The following ARHGEF12 variants were observed in gnomAD, a reference collection of about 807,000 sequenced individuals.
ARHGEF12 encodes KMT2A/ARHGEF12 fusion protein.
ARHGEF12 carries 66 observed loss-of-function variants against 211.2 expected under a neutral mutation model. The observed-to-expected ratio is 0.31, with a 90% CI of 0.26 to 0.38. The LOEUF (loss-of-function observed/expected upper bound fraction) is 0.38, where lower values mean the gene tolerates loss of function less well. Among genes scored for constraint, ARHGEF12 ranks in the 10% least tolerant of loss-of-function variants. The pLI is 1.00. For synonymous variants in ARHGEF12, 592 were observed against 638.4 expected, an observed-to-expected ratio of 0.93 and a Z score of 1.09; for missense variants, 1,429 against 1,869.5, an observed-to-expected ratio of 0.76 and a Z score of 4.34.
intron 4 of ARHGEF12, among the ~76,000 whole-genome samples, chr11:120,419,805 T>C (rs1456213450): frequency 2.0e-5 from 3 of 152,236 alleles, no homozygotes; most frequent in Non-Finnish European, 4.4e-5. Context: ...TTATTTTCTA[T>C]TCATTATCTT....
At chr11:120,338,731 A>G (rs1473692865) in intron 1 of ARHGEF12, among the ~76,000 whole-genome samples, 2 of 152,172 alleles carry the variant, frequency 1.3e-5, no homozygotes, top group African/African-American at 4.8e-5. Context: ...TTGAGCCTGT[A>G]AACAAAAGTC....
In ARHGEF12 at chr11:120,442,437, C is replaced by T. The variant is rs957179001; in HGVS notation, c.1302+235C>T. ...TTATATATATATATATACACACACACACACACACACACACACACATATATA... is the reference window on the plus strand; with the variant it reads ...TTATATATATATATATACACACACATACACACACACACACACACATATATA... On this transcript the variant is annotated intron_variant, in intron 15 of 40. Transcript: ENST00000397843. Among the ~76,000 whole-genome samples, 25 of 133,364 alleles carry T rather than the reference C, an allele frequency of 1.9e-4. No homozygotes were observed. In the South Asian group the frequency reaches 2.3e-3, roughly 13 times the overall value. 87.5% of individuals were successfully genotyped at this position (133,364 alleles called of 152,430 possible). A position where few individuals can be genotyped will look rare whatever the true frequency, so the allele number is the denominator to read the frequency against.
chr11:120,473,824 G>A (rs1309033128), intron 31 of ARHGEF12, among the ~76,000 whole-genome samples: 2 of 152,184 alleles, frequency 1.3e-5, no homozygotes, highest in African/African-American at 4.8e-5. Flanking sequence ...TTACAGGAAC[G>A]ATAGTAAAAT....
intron 4 of ARHGEF12, among the ~76,000 whole-genome samples, chr11:120,415,123 A>G (rs1170491078): frequency 1.3e-5 from 2 of 152,356 alleles, no homozygotes; most frequent in Admixed American, 6.5e-5. Context: ...ACCATGGACT[A>G]TATGAGTTGT....
At chr11:120,344,284 A>AAAAAAAAT (rs1565414418) in intron 1 of ARHGEF12, among the ~76,000 whole-genome samples, 5 of 151,242 alleles carry the variant, frequency 3.3e-5, no homozygotes, top group African/African-American at 1.2e-4. Context: ...AAAAAAAAAA[A>AAAAAAAAT]AAAAAAAAAA....
intron 4 of ARHGEF12, among the ~76,000 whole-genome samples, chr11:120,413,035 A>G (rs1233472846): frequency 2.6e-5 from 4 of 152,170 alleles, no homozygotes; most frequent in Admixed American, 6.5e-5. Flanking sequence ...TCTCCATTCT[A>G]TATTCTGCCT....
intron 38 of ARHGEF12, among the ~76,000 whole-genome samples, chr11:120,480,685 G>A (rs558236706): frequency 8.0e-4 from 121 of 152,110 alleles, no homozygotes; most frequent in African/African-American, 2.8e-3. Flanking sequence ...AAAGAAGGAT[G>A]GTAAATAAGT....
intron 1 of ARHGEF12, among the ~76,000 whole-genome samples, chr11:120,367,353 C>CTTTTTTTCTTTTTTTTT (rs1943452909): frequency 1.7e-5 from 1 of 59,350 alleles, no homozygotes; most frequent in Non-Finnish European, 2.9e-5. Context: ...ATACTTTTTC[C>CTTTTTTTCTTTTTTTTT]TTTTTTTTTT....
chr11:120,444,320 ATGAT>A (rs201240972), intron 15 of ARHGEF12, among the ~76,000 whole-genome samples: 5,078 of 152,308 alleles, frequency 0.033, 141 homozygotes, highest in South Asian at 0.048. Flanking sequence ...TTTGCTACAC[ATGAT>A]CTATATATCA....
intron 30 of ARHGEF12, among the ~76,000 whole-genome samples, chr11:120,472,076 C>T (rs1946884375): frequency 6.6e-6 from 1 of 152,082 alleles, no homozygotes; most frequent in Admixed American, 6.6e-5. Context: ...TGAAATAACT[C>T]TCTATATGTG....
intron 18 of ARHGEF12, chr11:120,447,415 G>T (rs1946077179): frequency 4.0e-6 from 1 of 247,728 alleles, no homozygotes; most frequent in Non-Finnish European, 7.6e-6. Context: ...GTGACATGAG[G>T]GTGAAACAGA....
At chr11:120,459,341 T>A in intron 26 of ARHGEF12, 21 bp downstream of exon 26, 1 of 1,604,344 alleles carries the variant, frequency 6.2e-7, no homozygotes. Flanking sequence ...TTAGCTCTGA[T>A]CTTTGCCCCT....
At chr11:120,403,792 G>A (rs10892570) in intron 1 of ARHGEF12, among the ~76,000 whole-genome samples, 1 of 151,954 alleles carries the variant, frequency 6.6e-6, no homozygotes, top group Non-Finnish European at 1.5e-5. Flanking sequence ...ACATAATATC[G>A]ATCCAAAAGA....
intron 6 of ARHGEF12, 86 bp from the exon 7 acceptor site, chr11:120,424,272 A>C (rs1945278439): frequency 1.2e-6 from 1 of 867,384 alleles, no homozygotes; most frequent in Admixed American, 2.0e-5. Context: ...TATATTGGTT[A>C]TATTATGTAT....
At chr11:120,396,339 C>T (rs1449920875) in intron 1 of ARHGEF12, among the ~76,000 whole-genome samples, 1 of 152,160 alleles carries the variant, frequency 6.6e-6, no homozygotes, top group African/African-American at 2.4e-5. Context: ...GCTTAATCCT[C>T]TCAGATGCTA....
chr11:120,380,599 C>G (rs1364278891), intron 1 of ARHGEF12, among the ~76,000 whole-genome samples: 4 of 152,198 alleles, frequency 2.6e-5, no homozygotes, highest in African/African-American at 9.7e-5. Flanking sequence ...CTCTTTTCCT[C>G]TCATCAGGGG....
At chr11:120,355,431 T>C (rs1434906037) in intron 1 of ARHGEF12, among the ~76,000 whole-genome samples, 1 of 152,226 alleles carries the variant, frequency 6.6e-6, no homozygotes, top group Non-Finnish European at 1.5e-5. Context: ...TTAATAGATA[T>C]AATAATTGTA....
At chr11:120,402,589 A>G (rs900958360) in intron 1 of ARHGEF12, among the ~76,000 whole-genome samples, 1 of 152,102 alleles carries the variant, frequency 6.6e-6, no homozygotes, top group Non-Finnish European at 1.5e-5. Flanking sequence ...CTTCATTTCA[A>G]CCATTCCTTA....
At chr11:120,449,887 C>G (rs1001744000) in intron 21 of ARHGEF12, 2 of 151,690 alleles carry the variant, frequency 1.3e-5, no homozygotes, top group African/African-American at 4.8e-5. Flanking sequence ...TCTCTTTATA[C>G]ATATTTACTT....
Sources: gnomAD v4.1 joint callset for allele counts (sites outside exome capture counted in the v4.1 genomes callset) on GRCh38, gnomAD v4.1.1 for gene constraint, MANE v1.5 for transcripts, NCBI Gene and HGNC (gene_info 2026-07-23, HGNC 2026-07-21) for gene names.